The following GOLIM4 variants were observed in gnomAD, a reference collection of about 807,000 sequenced individuals.
GOLIM4 encodes the protein golgi integral membrane protein 4, also known as 130 kDa golgi-localized phosphoprotein.
In GOLIM4, 71 loss-of-function variants were observed where a neutral mutation model predicts 107.4. The observed-to-expected ratio is 0.66, with a 90% CI of 0.55 to 0.81. The LOEUF (loss-of-function observed/expected upper bound fraction) is 0.81, where lower values mean the gene tolerates loss of function less well. GOLIM4 is among the 30% of genes least tolerant of loss of function. The probability of loss-of-function intolerance (pLI) is 0.00; values close to 1 mark genes in which losing one functional copy is unlikely to be tolerated. For missense variants in GOLIM4, 830 were observed against 826.1 expected, an observed-to-expected ratio of 1.00 and a Z score of -0.06; for synonymous variants, 327 against 294.8, an observed-to-expected ratio of 1.11 and a Z score of -1.12.
intron 1 of GOLIM4, among the ~76,000 whole-genome samples, chr3:168,071,877 T>C (rs1464469889): frequency 6.6e-6 from 1 of 152,164 alleles, no homozygotes; most frequent in Non-Finnish European, 1.5e-5. Context: ...TCCCATCATC[T>C]TACTCTTTTC....
intron 4 of GOLIM4, 94 bp downstream of exon 4, chr3:168,044,734 T>C: frequency 2.8e-6 from 2 of 725,996 alleles, no homozygotes; most frequent in Non-Finnish European, 4.6e-6. Flanking sequence ...TCAACTTCTG[T>C]AAACTTTCTT....
chr3:168,032,529 C>T lies in GOLIM4; in HGVS notation c.1167G>A (p.Ala389=), dbSNP rs137967362. 33 of 1,613,600 alleles carry T rather than the reference C, an allele frequency of 2.0e-5. No individual in the cohort carries two copies. Among genetic ancestry groups the T allele is most frequent in the African/African-American group, 5.3e-5 (4 of 75,008 alleles). ...REAANLLEGH[A]RAEVYPSAKP... The stretch of plus-strand genomic sequence containing the variant: ...GCGGGTGACTTCATACCTCAGCACG[C>T]GCGTGCCCTTCCAGGAGGTTGGCTG... Residue 389 remains alanine, a synonymous_variant, in exon 9 of 16, where the codon GCG becomes GCA. Coordinates refer to ENST00000470487, the MANE Select transcript of GOLIM4 (RefSeq NM_014498.5).
chr3:168,037,063 C>T, intron 7 of GOLIM4, 69 bp from the exon 8 acceptor site: 3 of 713,426 alleles, frequency 4.2e-6, no homozygotes, highest in Non-Finnish European at 6.6e-6. Flanking sequence ...CATTTGGGTA[C>T]ACTGTAAAAC....
At chr3:168,093,136 C>A (rs192034594) in intron 1 of GOLIM4, among the ~76,000 whole-genome samples, 68 of 152,192 alleles carry the variant, frequency 4.5e-4, no homozygotes, top group Admixed American at 3.9e-3. Flanking sequence ...TCTAAAATTT[C>A]AAAATGAAAT....
At chr3:168,075,151 C>CA (rs1320809409) in intron 1 of GOLIM4, among the ~76,000 whole-genome samples, 7 of 151,822 alleles carry the variant, frequency 4.6e-5, no homozygotes, top group Non-Finnish European at 1.0e-4. Context: ...ATTAATAAAA[C>CA]AGAGATGAGA....
Position 168,024,984 on chromosome 3 carries a change from CTT to C in GOLIM4, c.1733_1734del (p.Glu578GlyfsTer6). 3.7e-6 allele frequency: 6 copies of C among 1,614,072 alleles called. No homozygotes were observed. Among genetic ancestry groups the C allele is most frequent in the Non-Finnish European group, 4.2e-6 (5 of 1,179,940 alleles). Reference sequence around the variant, plus strand: ...TGCTTTTGATTACTTTGTTTTTGCTCTTCATTTTCATCTGGCAAATTTTCTTC... The same window carrying C: ...TGCTTTTGATTACTTTGTTTTTGCTCCATTTTCATCTGGCAAATTTTCTTC... ...VREENLPDEN[E>X]EQKQSNQKQE... is the part of the protein sequence containing the mutation. On this transcript the variant is annotated frameshift_variant, in exon 13 of 16. Coordinates refer to ENST00000470487, the MANE Select transcript of GOLIM4 (RefSeq NM_014498.5). LOFTEE classifies it high-confidence loss of function.
intron 5 of GOLIM4, among the ~76,000 whole-genome samples, chr3:168,042,063 C>T (rs1466384988): frequency 6.6e-6 from 1 of 152,046 alleles, no homozygotes; most frequent in Non-Finnish European, 1.5e-5. Flanking sequence ...GGACACAACA[C>T]CCAGCTTCCC....
intron 1 of GOLIM4, among the ~76,000 whole-genome samples, chr3:168,049,038 G>A (rs1325992486): frequency 6.6e-6 from 1 of 152,196 alleles, no homozygotes; most frequent in Non-Finnish European, 1.5e-5. Context: ...ACAGCCAGAA[G>A]AAACCAGCGG....
intron 7 of GOLIM4, among the ~76,000 whole-genome samples, chr3:168,039,254 GA>G (rs1160227449): frequency 0.022 from 3,114 of 144,434 alleles, 98 homozygotes; most frequent in African/African-American, 0.075. Flanking sequence ...TATATATTAA[GA>G]AAAAAAAAAT....
At chr3:168,058,742 T>C (rs540086190) in intron 1 of GOLIM4, among the ~76,000 whole-genome samples, 6 of 152,272 alleles carry the variant, frequency 3.9e-5, no homozygotes, top group African/African-American at 1.4e-4. Flanking sequence ...ATCCTCCTCT[T>C]CCATAAAAAG....
intron 9 of GOLIM4, among the ~76,000 whole-genome samples, chr3:168,030,702 A>G (rs1718281037): frequency 6.6e-6 from 1 of 152,184 alleles, no homozygotes; most frequent in Non-Finnish European, 1.5e-5. Context: ...TTTATCAAAA[A>G]GGCAACAACA....
At chr3:168,077,150 C>T (rs1428137778) in intron 1 of GOLIM4, among the ~76,000 whole-genome samples, 1 of 152,104 alleles carries the variant, frequency 6.6e-6, no homozygotes, top group Non-Finnish European at 1.5e-5. Flanking sequence ...TCACACTGTA[C>T]CTATTTTGAA....
intron 5 of GOLIM4, 21 bp from the exon 6 acceptor site, chr3:168,041,495 T>C: frequency 1.7e-6 from 2 of 1,189,254 alleles, no homozygotes; most frequent in Non-Finnish European, 2.5e-6. Flanking sequence ...AAAAGAAGGA[T>C]CACACATAAA....
In GOLIM4 at chr3:168,043,411, T is replaced by C. The variant is rs753656955; in HGVS notation, c.485A>G (p.Gln162Arg). The C allele has an allele frequency of 3.7e-6, 6 of 1,609,168 alleles. No individual in the cohort carries two copies. Among genetic ancestry groups the C allele is most frequent in the Non-Finnish European group, 5.1e-6 (6 of 1,178,626 alleles). ...DHKQKYLQLQ[Q>R]EKEQELSKLK... The stretch of plus-strand genomic sequence containing the variant: ...CTTAGAAAGTTCTTGTTCTTTTTCT[T>C]GCTGGAGCTGCAAGTATTTTTGCTT... The change falls in exon 5 of 16, where the codon CAA becomes CGA. Residue 162 changes from glutamine to arginine, a missense_variant. Coordinates refer to ENST00000470487, the MANE Select transcript of GOLIM4 (RefSeq NM_014498.5).
intron 6 of GOLIM4, 71 bp downstream of exon 6, chr3:168,041,321 G>T: frequency 1.1e-6 from 1 of 881,388 alleles, no homozygotes; most frequent in South Asian, 1.4e-5. Flanking sequence ...ATTAGGGAAT[G>T]ACTTTTTAAA....
chr3:168,076,362 GTTTC>G (rs1374962053), intron 1 of GOLIM4, among the ~76,000 whole-genome samples: 6 of 152,200 alleles, frequency 3.9e-5, no homozygotes, highest in African/African-American at 1.4e-4. Context: ...TGTTTGTTTT[GTTTC>G]TTTGTTTTTA....
rs372841963 is a variant in GOLIM4 at position 168,095,320 on chromosome 3, G to A, written c.-35C>T. On this transcript the variant is annotated 5_prime_UTR_variant, in exon 1 of 16. Coordinates refer to ENST00000470487, the MANE Select transcript of GOLIM4 (RefSeq NM_014498.5). ...TGGACCCAAAGCCGCGGCCGCCCCC[G>A]CCGTCTCCTCCCCTTGGTCCGAGCG... 2 of 1,586,132 alleles carry A rather than the reference G, an allele frequency of 1.3e-6. No individual in the cohort carries two copies.
At chr3:168,023,512 C>T (rs1577509125) in intron 14 of GOLIM4, among the ~76,000 whole-genome samples, 1 of 152,274 alleles carries the variant, frequency 6.6e-6, no homozygotes, top group South Asian at 2.1e-4. Context: ...CAGACCTAGT[C>T]GAGGGAACTG....
At chr3:168,027,268 C>A (rs1299016662) in intron 12 of GOLIM4, among the ~76,000 whole-genome samples, 1 of 152,164 alleles carries the variant, frequency 6.6e-6, no homozygotes, top group Non-Finnish European at 1.5e-5. Context: ...GGTCACTAGA[C>A]TGCTAAGAGA....
Sources: gnomAD v4.1 joint callset for allele counts (sites outside exome capture counted in the v4.1 genomes callset) on GRCh38, gnomAD v4.1.1 for gene constraint, MANE v1.5 for transcripts, NCBI Gene and HGNC (gene_info 2026-07-23, HGNC 2026-07-21) for gene names.